NUP133: variants seen among roughly 807,000 people sequenced by gnomAD.
NUP133 encodes nuclear pore complex protein Nup133.
NUP133 carries 66 observed loss-of-function variants against 146.2 expected under a neutral mutation model. The observed-to-expected ratio is 0.45, with a 90% CI of 0.37 to 0.55. The LOEUF is 0.55. Ranked by LOEUF, NUP133 falls within the 20% of genes least tolerant of loss-of-function variation. The pLI, the probability that NUP133 is intolerant of heterozygous loss-of-function variation, is 0.00. For synonymous variants in NUP133, 521 were observed against 498.8 expected, an observed-to-expected ratio of 1.04 and a Z score of -0.59; for missense variants, 1,277 against 1,374.8, an observed-to-expected ratio of 0.93 and a Z score of 1.12.
At chr1:229,486,901 T>C (rs1558103585) in intron 10 of NUP133, among the ~76,000 whole-genome samples, 4 of 123,578 alleles carry the variant, frequency 3.2e-5, no homozygotes, top group Admixed American at 8.6e-5. Context: ...CAATGGGGAC[T>C]GGAAAAAAAA....
intron 8 of NUP133, among the ~76,000 whole-genome samples, chr1:229,492,108 T>A (rs755110146): frequency 7.2e-6 from 1 of 139,184 alleles, no homozygotes; most frequent in East Asian, 2.0e-4. Flanking sequence ...ACTAGCAACA[T>A]TTTTTTTTTT....
In NUP133 at chr1:229,508,151, G is replaced by A; in HGVS notation, c.99C>T (p.Ser33=). The A allele has an allele frequency of 1.9e-6, 3 of 1,595,642 alleles. No individual in the cohort carries two copies. The highest frequency in any genetic ancestry group is 2.6e-6 in the Non-Finnish European group (3 of 1,172,626). Reference sequence around the variant, plus strand: ...CAGACCCCAGGGGCAGACCCTTCCTGCTAGCCGTCCGGGGCGTGGAGCCGG... The same window carrying A: ...CAGACCCCAGGGGCAGACCCTTCCTACTAGCCGTCCGGGGCGTGGAGCCGG... The part of the protein sequence containing the change: ...LGPGSTPRTA[S]RKGLPLGSAV... The change falls in exon 1 of 26, where the codon AGC becomes AGT. Residue 33 remains serine, a synonymous_variant. Coordinates refer to ENST00000261396, the MANE Select transcript of NUP133 (RefSeq NM_018230.3).
chr1:229,466,490 A>G, intron 16 of NUP133, 144 bp downstream of exon 16: 1 of 690,564 alleles, frequency 1.4e-6, no homozygotes, highest in Non-Finnish European at 2.3e-6. Flanking sequence ...TAATAAAATG[A>G]CATTTTTCTA....
intron 24 of NUP133, among the ~76,000 whole-genome samples, chr1:229,448,040 C>T (rs1321801289): frequency 1.3e-5 from 2 of 152,236 alleles, no homozygotes; most frequent in Non-Finnish European, 2.9e-5. Flanking sequence ...ACACTAATTA[C>T]AAAGCATTAG....
chr1:229,453,454 T>A (rs1000047624), intron 21 of NUP133, among the ~76,000 whole-genome samples: 2 of 143,362 alleles, frequency 1.4e-5, no homozygotes, highest in Admixed American at 6.7e-5. Context: ...TATTTAAGGT[T>A]TATGGTATTG....
In NUP133 at chr1:229,464,775, G is replaced by C; in HGVS notation, c.2400C>G (p.Ile800Met). The C allele has an allele frequency of 6.2e-7, 1 of 1,614,178 alleles. No individual in the cohort carries two copies. The highest frequency in any genetic ancestry group is 8.5e-7 in the Non-Finnish European group (1 of 1,180,040). The change falls in exon 18 of 26, where the codon ATC becomes ATG. Residue 800 changes from isoleucine (I) to methionine (M), a missense_variant. Ile to Met is a conservative substitution (Grantham distance 10, BLOSUM62 1). Coordinates refer to ENST00000261396, the MANE Select transcript of NUP133 (RefSeq NM_018230.3). ...YPQADSNLRN[I>M]VTEQLVALID... The stretch of plus-strand genomic sequence containing the variant: ...TCAGGGCTACCAGCTGCTCGGTCAC[G>C]ATGTTTCGGAGGTTGCTGTCTGCCT...
At chr1:229,486,087 G>A (rs760819153) in intron 11 of NUP133, among the ~76,000 whole-genome samples, 4 of 152,074 alleles carry the variant, frequency 2.6e-5, no homozygotes, top group African/African-American at 9.7e-5. Context: ...GCTTGATCCC[G>A]GGAGGTTGAG....
intron 13 of NUP133, among the ~76,000 whole-genome samples, chr1:229,477,364 T>C (rs1661102065): frequency 7.0e-6 from 1 of 143,274 alleles, no homozygotes; most frequent in African/African-American, 2.6e-5. Context: ...GGCGTGAACC[T>C]GGGAGGTGGA....
In NUP133 at chr1:229,500,833, G is replaced by A. The variant is rs1661780621; in HGVS notation, c.436C>T (p.Pro146Ser). 1 of 1,612,818 alleles carries A rather than the reference G, an allele frequency of 6.2e-7. No homozygotes were observed. Among genetic ancestry groups the A allele is most frequent in the African/African-American group, 1.3e-5 (1 of 74,914 alleles). ...TCGGCACTCCAGTGGAAATCACTAGGTGGCAGCTGAAGTTCTTTGCAAACG... is the reference window on the plus strand; with the variant it reads ...TCGGCACTCCAGTGGAAATCACTAGATGGCAGCTGAAGTTCTTTGCAAACG... ...LSVCKELQLPPSDFHWSADLV... is the reference protein window; with the variant it reads ...LSVCKELQLPSSDFHWSADLV... Residue 146 changes from proline (P) to serine (S), a missense_variant, in exon 4 of 26, where the codon CCT (proline) becomes TCT (serine). Pro to Ser is a moderately conservative substitution (Grantham distance 74). Around this residue, in one of 3 missense-constraint regions of NUP133, gnomAD observed 319 missense variants for 306.9 expected, o/e 1.04. Coordinates refer to ENST00000261396, the MANE Select transcript of NUP133 (RefSeq NM_018230.3).
At chr1:229,483,530 C>G (rs1661269049) in intron 12 of NUP133, among the ~76,000 whole-genome samples, 1 of 151,898 alleles carries the variant, frequency 6.6e-6, no homozygotes, top group Non-Finnish European at 1.5e-5. Context: ...CATGGTGAAA[C>G]TCCATCTCTA....
At chr1:229,453,850 A>T (rs991624651) in intron 21 of NUP133, among the ~76,000 whole-genome samples, 2 of 152,164 alleles carry the variant, frequency 1.3e-5, no homozygotes, top group African/African-American at 2.4e-5. Context: ...AGACCTGTGT[A>T]TGTTCTATGG....
chr1:229,506,275 T>C (rs1192596350), intron 1 of NUP133, 117 bp from the exon 2 acceptor site: 2 of 544,752 alleles, frequency 3.7e-6, no homozygotes, highest in Non-Finnish European at 6.7e-6. Context: ...CACTGGCTCA[T>C]ATTTACCATG....
chr1:229,495,947 G>A lies in NUP133; in HGVS notation c.920C>T (p.Ala307Val). The A allele has an allele frequency of 6.2e-7, 1 of 1,611,208 alleles. No homozygotes were observed. The highest frequency in any genetic ancestry group is 1.1e-5 in the South Asian group (1 of 90,628). Residue 307 changes from alanine to valine, a missense_variant, in exon 7 of 26, where the codon GCA (alanine) becomes GTA (valine). Physicochemically the swap from Ala to Val is moderately conservative, Grantham distance 64 (BLOSUM62 0). Coordinates refer to ENST00000261396, the MANE Select transcript of NUP133 (RefSeq NM_018230.3). ...WELDDSSEKH[A>V]YSWDINRALK... ...GGCTCTATTTATATCCCAACTGTAT[G>A]CATGCTTTTCTGAAGAATCATCTAA...
At position 229,444,923 on chromosome 1, in the gene NUP133, A is replaced by C. The variant is rs752981719; in HGVS notation, c.3325T>G (p.Leu1109Val). 3 of 1,602,964 alleles carry C rather than the reference A, an allele frequency of 1.9e-6. No homozygotes were observed. In the East Asian group the frequency reaches 6.7e-5, roughly 36 times the overall value. The change falls in exon 25 of 26, where the codon TTA (leucine) becomes GTA (valine). Residue 1109 changes from leucine (L) to valine (V), a missense_variant. Physicochemically the swap from Leu to Val is conservative, Grantham distance 32 (BLOSUM62 1). This residue lies in a region of NUP133 where 952 missense variants were observed against 1,047.0 expected (regional missense o/e 0.91). Transcript: ENST00000261396. ...SIFVKILQKL[L>V]KDGIQLSEYL... ...GTAACAAACCACTTACCATCTTTTAAAAGTTTCTGTAAGATCTTCACAAAT... is the reference window on the plus strand; with the variant it reads ...GTAACAAACCACTTACCATCTTTTACAAGTTTCTGTAAGATCTTCACAAAT...
At chr1:229,451,873 A>T (rs535260048) in intron 22 of NUP133, among the ~76,000 whole-genome samples, 32 of 152,340 alleles carry the variant, frequency 2.1e-4, no homozygotes, top group Non-Finnish European at 4.4e-4. Context: ...CTCAATAGTG[A>T]GTTACAATAG....
intron 11 of NUP133, among the ~76,000 whole-genome samples, chr1:229,485,484 A>G (rs1661326280): frequency 6.6e-6 from 1 of 152,120 alleles, no homozygotes; most frequent in Non-Finnish European, 1.5e-5. Flanking sequence ...GTCATTATAC[A>G]CTCCAAGAGT....
At chr1:229,490,189 C>G in intron 8 of NUP133, 87 bp from the exon 9 acceptor site, 1 of 1,182,426 alleles carries the variant, frequency 8.5e-7, no homozygotes, top group Non-Finnish European at 1.1e-6. Context: ...TTCCATATAA[C>G]TTAGCAATCC....
chr1:229,455,711 T>A (rs1372736659), intron 21 of NUP133, among the ~76,000 whole-genome samples: 4 of 152,106 alleles, frequency 2.6e-5, no homozygotes, highest in African/African-American at 4.8e-5. Context: ...ATATAGGTAA[T>A]TTTTTTTCAG....
chr1:229,505,712 C>A (rs1240139422), intron 2 of NUP133, among the ~76,000 whole-genome samples: 3 of 151,440 alleles, frequency 2.0e-5, no homozygotes, highest in African/African-American at 7.3e-5. Context: ...CATGGTGAAA[C>A]CCTGTCTCTA....
Sources: allele counts gnomAD v4.1 joint callset (sites outside exome capture counted in the v4.1 genomes callset), GRCh38; gene constraint gnomAD v4.1.1; regional missense constraint gnomAD v4.1.1; transcripts MANE v1.5; gene names NCBI Gene and HGNC (gene_info 2026-07-23, HGNC 2026-07-21).